MRPL50: variants seen among roughly 807,000 people sequenced by gnomAD.
MRPL50 encodes large ribosomal subunit protein mL50.
In MRPL50, 10 loss-of-function variants were observed where a neutral mutation model predicts 16.2. That is an observed-to-expected ratio of 0.62 (90% confidence interval 0.38 to 1.05). The LOEUF (loss-of-function observed/expected upper bound fraction) is 1.05. MRPL50 is among the 50% of genes least tolerant of loss of function. MRPL50 has a pLI of 0.01. For synonymous variants in MRPL50, 68 were observed against 66.8 expected (o/e 1.02, Z -0.09); for missense variants, 213 against 187.1 (o/e 1.14, Z -0.81).
Position 101,390,321 on chromosome 9 carries a change from A to G in MRPL50, c.*145T>C, listed in dbSNP as rs1019657548. The G allele has an allele frequency of 3.0e-6, 4 of 1,352,488 alleles. No individual in the cohort carries two copies. The highest frequency in any genetic ancestry group is 3.8e-6 in the Non-Finnish European group (4 of 1,050,078). The allele number at this position is 1,352,488 out of a possible 1,614,324, so 83.8% of individuals were successfully genotyped here. A position where few individuals can be genotyped will look rare whatever the true frequency, so the allele number is the denominator to read the frequency against. ...GTCCATTTGTAATATGAGAAAAAAA[A>G]AGATGATACATTCCTCTACAGAAAA... On this transcript the variant is annotated 3_prime_UTR_variant, in exon 2 of 2. Transcript: ENST00000374865.
rs1588147706 is a variant in MRPL50 at position 101,388,201 on chromosome 9, T to G, written c.*2265A>C. ...TTTAAAAGATCCCCACATGAAAAAA[T>G]GAATAAAAGATCCCCAAATGATTAA... is the stretch of plus-strand genomic sequence containing the variant. On this transcript the variant is annotated 3_prime_UTR_variant, in exon 2 of 2. Coordinates refer to ENST00000374865, the MANE Select transcript of MRPL50 (RefSeq NM_019051.3). 6.6e-6 allele frequency: 1 copy of G among 152,052 alleles called. No homozygotes were observed. Among genetic ancestry groups the G allele is most frequent in the Non-Finnish European group, 1.5e-5 (1 of 67,974 alleles). 9.4% of individuals were successfully genotyped at this position (152,052 alleles called of 1,614,324 possible).
At chr9:101,392,001 G>A (rs534282115) in intron 1 of MRPL50, among the ~76,000 whole-genome samples, 1 of 151,958 alleles carries the variant, frequency 6.6e-6, no homozygotes, top group African/African-American at 2.4e-5. Flanking sequence ...AATATAACTA[G>A]AAATCAATAA....
In MRPL50 at chr9:101,389,456, A is replaced by G. The variant is rs1389518406; in HGVS notation, c.*1010T>C. 1 of 1,287,336 alleles carries G rather than the reference A, an allele frequency of 7.8e-7. No homozygotes were observed. The highest frequency in any genetic ancestry group is 1.0e-6 in the Non-Finnish European group (1 of 987,238). 79.7% of individuals were successfully genotyped at this position (1,287,336 alleles called of 1,614,324 possible). On this transcript the variant is annotated 3_prime_UTR_variant, in exon 2 of 2. Coordinates refer to ENST00000374865, the MANE Select transcript of MRPL50 (RefSeq NM_019051.3). ...TGAAGATTCCAGAATTTATATTCCCAACTGAATTTTGCCCTCTTCAAAGGA... is the reference window on the plus strand; with the variant it reads ...TGAAGATTCCAGAATTTATATTCCCGACTGAATTTTGCCCTCTTCAAAGGA...
At position 101,389,317 on chromosome 9, in the gene MRPL50, A is replaced by G. The variant is rs551721947; in HGVS notation, c.*1149T>C. 1.2e-3 allele frequency: 527 copies of G among 439,110 alleles called. 2 individuals carry two copies. Among genetic ancestry groups the G allele is most frequent in the Non-Finnish European group, 1.7e-3 (475 of 272,116 alleles). The allele number at this position is 439,110 out of a possible 1,614,324, so 27.2% of individuals were successfully genotyped here. A position where few individuals can be genotyped will look rare whatever the true frequency, so the allele number is the denominator to read the frequency against. On this transcript the variant is annotated 3_prime_UTR_variant, in exon 2 of 2. Coordinates refer to ENST00000374865, the MANE Select transcript of MRPL50 (RefSeq NM_019051.3). ...CCTGGAACCAATCCCCAAGGAATCAACTCTAATGTCTAAGCTCCAGAGCTC... is the reference window on the plus strand; with the variant it reads ...CCTGGAACCAATCCCCAAGGAATCAGCTCTAATGTCTAAGCTCCAGAGCTC...
At chr9:101,393,925 G>GA (rs893768335) in intron 1 of MRPL50, among the ~76,000 whole-genome samples, 6 of 66,276 alleles carry the variant, frequency 9.1e-5, no homozygotes, top group East Asian at 4.4e-4. Context: ...CACAGAAATA[G>GA]AAAAAAAAAT....
intron 1 of MRPL50, among the ~76,000 whole-genome samples, chr9:101,394,000 A>G (rs1830308120): frequency 6.7e-6 from 1 of 148,336 alleles, no homozygotes; most frequent in African/African-American, 2.5e-5. Flanking sequence ...CAAAAAAAAA[A>G]AAAAAAAAAA....
intron 1 of MRPL50, among the ~76,000 whole-genome samples, chr9:101,394,002 A>AG (rs1830308305): frequency 6.7e-6 from 1 of 150,318 alleles, no homozygotes; most frequent in South Asian, 2.1e-4. Context: ...AAAAAAAAAA[A>AG]AAAAAAAAAA....
In MRPL50 at chr9:101,397,195, T is replaced by C. The variant is rs56137974; in HGVS notation, c.92+1306A>G. ...ATTCTAACTGGCCAGGTGTGGTGGC[T>C]CACCCCTGGAATCCCAGCAATTTGG... On this transcript the variant is annotated intron_variant, in intron 1 of 1. Transcript: ENST00000374865. 2.7e-3 allele frequency among the ~76,000 whole-genome samples: 413 copies of C among 152,246 alleles called. 4 individuals carry two copies. The highest frequency in any genetic ancestry group is 2.7e-3 in the Admixed American group (42 of 15,294).
chr9:101,397,142 C>T (rs888073351), intron 1 of MRPL50, among the ~76,000 whole-genome samples: 1 of 152,022 alleles, frequency 6.6e-6, no homozygotes, highest in Non-Finnish European at 1.5e-5. Flanking sequence ...GAGAGTAAAT[C>T]TTAAGTGTTT....
At chr9:101,397,962 C>G (rs996601998) in intron 1 of MRPL50, among the ~76,000 whole-genome samples, 3 of 152,176 alleles carry the variant, frequency 2.0e-5, no homozygotes, top group Non-Finnish European at 4.4e-5. Context: ...AATCACTTCC[C>G]TCCTGTGGGC....
intron 1 of MRPL50, 125 bp downstream of exon 1, chr9:101,398,376 G>C: frequency 1.2e-6 from 1 of 830,892 alleles, no homozygotes; most frequent in Non-Finnish European, 1.9e-6. Context: ...GACCCTAACC[G>C]GACCTCCTTG....
intron 1 of MRPL50, among the ~76,000 whole-genome samples, chr9:101,394,479 C>T (rs574805563): frequency 1.7e-3 from 266 of 152,296 alleles, no homozygotes; most frequent in Middle Eastern, 3.4e-3. Flanking sequence ...CCAATCAACA[C>T]TCCCCATTTC....
rs980327095 is a variant in MRPL50 at position 101,390,385 on chromosome 9, G to A, written c.*81C>T. The A allele has an allele frequency of 3.3e-6, 5 of 1,525,012 alleles. No individual in the cohort carries two copies. The African/African-American group carries it at 5.6e-5, about 17-fold the overall frequency. The allele number at this position is 1,525,012 out of a possible 1,614,324, so 94.5% of individuals were successfully genotyped here. Reference sequence around the variant, plus strand: ...AACAGTTCTGGTAGTATTTCACATGGTAAAGTATCAAAAGATCTAATGAGC... The same window carrying A: ...AACAGTTCTGGTAGTATTTCACATGATAAAGTATCAAAAGATCTAATGAGC... On this transcript the variant is annotated 3_prime_UTR_variant, in exon 2 of 2. Coordinates refer to ENST00000374865, the MANE Select transcript of MRPL50 (RefSeq NM_019051.3).
Position 101,398,558 on chromosome 9 carries a change from C to T in MRPL50, c.35G>A (p.Arg12Lys), listed in dbSNP as rs1366135510. 6.2e-7 allele frequency: 1 copy of T among 1,614,086 alleles called. No homozygotes were observed. Among genetic ancestry groups the T allele is most frequent in the Non-Finnish European group, 8.5e-7 (1 of 1,180,048 alleles). The change falls in exon 1 of 2, where the codon AGA becomes AAA. Residue 12 changes from arginine to lysine, a missense_variant. By Grantham distance (26) the Arg-to-Lys change is conservative. Transcript: ENST00000374865. ...AARSVSGITR[R>K]VFMWTVSGTP... ...CCCTGAGACTGTCCACATGAAGACT[C>T]TTCTGGTAATGCCCGACACAGATCG... is the stretch of plus-strand genomic sequence containing the variant.
intron 1 of MRPL50, among the ~76,000 whole-genome samples, chr9:101,391,845 A>G (rs1382830007): frequency 6.6e-6 from 1 of 152,056 alleles, no homozygotes; most frequent in African/African-American, 2.4e-5. Flanking sequence ...CTTAGAGAAC[A>G]TTTCACCCAA....
At chr9:101,396,497 GTGCT>G (rs1830341885) in intron 1 of MRPL50, among the ~76,000 whole-genome samples, 1 of 152,008 alleles carries the variant, frequency 6.6e-6, no homozygotes, top group Non-Finnish European at 1.5e-5. Context: ...TATATATTAT[GTGCT>G]TGCATATATA....
Position 101,387,854 on chromosome 9 carries a change from TCTGA to T in MRPL50, c.*2608_*2611del, listed in dbSNP as rs752675276. On this transcript the variant is annotated 3_prime_UTR_variant, in exon 2 of 2. Coordinates refer to ENST00000374865, the MANE Select transcript of MRPL50 (RefSeq NM_019051.3). ...AAACCCTTTAAAATTACATCATATG[TCTGA>T]TTATCTCATTAAACAAGTTAGCAAG... 3 of 152,236 alleles carry T rather than the reference TCTGA, an allele frequency of 2.0e-5. No individual in the cohort carries two copies. The highest frequency in any genetic ancestry group is 6.5e-5 in the Admixed American group (1 of 15,276). The allele number at this position is 152,236 out of a possible 1,614,324, so 9.4% of individuals were successfully genotyped here. A position where few individuals can be genotyped will look rare whatever the true frequency, so the allele number is the denominator to read the frequency against.
chr9:101,392,888 C>T (rs1424042853), intron 1 of MRPL50, among the ~76,000 whole-genome samples: 1 of 151,948 alleles, frequency 6.6e-6, no homozygotes, highest in Non-Finnish European at 1.5e-5. Flanking sequence ...CAAAATCAGA[C>T]AAAGACAAAA....
rs1013080998 is a variant in MRPL50 at position 101,388,595 on chromosome 9, G to T, written c.*1871C>A. Reference sequence around the variant, plus strand: ...ACAGCAAGCCTAATTTAATCTTTCAGGAAAACTAAAGGCCATTATTCTGAT... The same window carrying T: ...ACAGCAAGCCTAATTTAATCTTTCATGAAAACTAAAGGCCATTATTCTGAT... On this transcript the variant is annotated 3_prime_UTR_variant, in exon 2 of 2. Transcript: ENST00000374865. 3 of 151,304 alleles carry T rather than the reference G, an allele frequency of 2.0e-5. No homozygotes were observed. The highest frequency in any genetic ancestry group is 7.3e-5 in the African/African-American group (3 of 41,126). The allele number at this position is 151,304 out of a possible 1,614,324, so 9.4% of individuals were successfully genotyped here.
Sources: allele counts gnomAD v4.1 joint callset (sites outside exome capture counted in the v4.1 genomes callset), GRCh38; gene constraint gnomAD v4.1.1; transcripts MANE v1.5; gene names NCBI Gene and HGNC (gene_info 2026-07-23, HGNC 2026-07-21).